DEPTOR: variants seen among roughly 807,000 people sequenced by gnomAD.
DEPTOR encodes DEP domain-containing mTOR-interacting protein.
DEPTOR carries 41 observed loss-of-function variants against 41.6 expected under a neutral mutation model. The observed-to-expected ratio is 0.98, with a 90% CI of 0.77 to 1.28. The LOEUF (loss-of-function observed/expected upper bound fraction) is 1.28. Ranked by LOEUF, DEPTOR falls within the 50% of genes most tolerant of loss-of-function variation. The pLI is 0.00. For missense variants in DEPTOR, 514 were observed against 527.9 expected (o/e 0.97, Z 0.26); for synonymous variants, 195 against 192.3 (o/e 1.01, Z -0.12).
intron 6 of DEPTOR, among the ~76,000 whole-genome samples, chr8:120,004,872 T>G (rs73705877): frequency 0.15 from 22,970 of 151,802 alleles, 2,822 homozygotes; most frequent in African/African-American, 0.33. Flanking sequence ...GCCTTCACAG[T>G]GATGCATTTA....
At chr8:119,985,090 T>A (rs538553288) in intron 4 of DEPTOR, among the ~76,000 whole-genome samples, 5 of 152,144 alleles carry the variant, frequency 3.3e-5, no homozygotes, top group African/African-American at 1.2e-4. Flanking sequence ...GGAGAATCAC[T>A]TGGACCCAGG....
intron 8 of DEPTOR, among the ~76,000 whole-genome samples, chr8:120,040,426 A>C (rs1159746749): frequency 3.3e-5 from 5 of 152,044 alleles, no homozygotes; most frequent in African/African-American, 1.2e-4. Context: ...AATACAAAAA[A>C]TTAGCCGGGC....
intron 4 of DEPTOR, among the ~76,000 whole-genome samples, chr8:119,993,808 T>A (rs1420072344): frequency 6.6e-6 from 1 of 152,054 alleles, no homozygotes; most frequent in Admixed American, 6.6e-5. Flanking sequence ...AAGTTGTTTA[T>A]GTAGCAAGGA....
chr8:119,914,999 G>A (rs558137815), intron 1 of DEPTOR, among the ~76,000 whole-genome samples: 7 of 151,786 alleles, frequency 4.6e-5, no homozygotes, highest in African/African-American at 1.7e-4. Context: ...ATGGAGTCTC[G>A]CCCTGTCACC....
intron 3 of DEPTOR, among the ~76,000 whole-genome samples, chr8:119,939,581 G>A (rs1459679982): frequency 1.3e-5 from 2 of 152,030 alleles, no homozygotes; most frequent in South Asian, 2.1e-4. Flanking sequence ...TCCACCTCCC[G>A]GGTTCAAGTG....
chr8:119,921,369 C>T (rs936982273), intron 1 of DEPTOR, among the ~76,000 whole-genome samples: 6 of 152,162 alleles, frequency 3.9e-5, no homozygotes, highest in Non-Finnish European at 1.5e-5. Flanking sequence ...CATACGTGTG[C>T]AGTGTGAAAA....
intron 1 of DEPTOR, among the ~76,000 whole-genome samples, chr8:119,881,880 TTTTA>T (rs576601041): frequency 4.6e-5 from 7 of 151,954 alleles, no homozygotes; most frequent in South Asian, 2.1e-4. Context: ...TTTATTCTAT[TTTTA>T]TTTATTTATT....
intron 8 of DEPTOR, among the ~76,000 whole-genome samples, chr8:120,028,332 C>CT (rs1812832832): frequency 6.6e-6 from 1 of 150,388 alleles, no homozygotes. Context: ...AAATGATGTA[C>CT]TTTTGACATT....
At chr8:119,980,666 T>C (rs62528699) in intron 4 of DEPTOR, among the ~76,000 whole-genome samples, 1,640 of 151,900 alleles carry the variant, frequency 0.011, 16 homozygotes, top group South Asian at 0.015. Flanking sequence ...TACAGGCATG[T>C]GCCACCACAG....
intron 8 of DEPTOR, among the ~76,000 whole-genome samples, chr8:120,028,416 T>C (rs1475084318): frequency 6.6e-6 from 1 of 151,840 alleles, no homozygotes; most frequent in Non-Finnish European, 1.5e-5. Context: ...GTAAAAATTT[T>C]CTTGGAGCAA....
chr8:120,023,245 C>CT (rs561254680), intron 8 of DEPTOR, among the ~76,000 whole-genome samples: 66 of 151,740 alleles, frequency 4.3e-4, no homozygotes, highest in East Asian at 2.3e-3. Flanking sequence ...CTTTTCTTTT[C>CT]TTTTTTTTGT....
At chr8:120,006,562 A>G (rs534624616) in intron 6 of DEPTOR, among the ~76,000 whole-genome samples, 1 of 148,950 alleles carries the variant, frequency 6.7e-6, no homozygotes, top group Non-Finnish European at 1.5e-5. Context: ...CCTTATCCCC[A>G]CCCCTGGCAC....
At chr8:119,882,363 A>G (rs1444391866) in intron 1 of DEPTOR, among the ~76,000 whole-genome samples, 2 of 151,934 alleles carry the variant, frequency 1.3e-5, no homozygotes, top group African/African-American at 4.8e-5. Flanking sequence ...AAATTTTAGA[A>G]AAAAATACAT....
At chr8:119,979,854 G>A (rs1828740770) in intron 4 of DEPTOR, among the ~76,000 whole-genome samples, 1 of 152,016 alleles carries the variant, frequency 6.6e-6, no homozygotes, top group Non-Finnish European at 1.5e-5. Flanking sequence ...TAACCTCAAT[G>A]GGGGATTCCT....
chr8:119,993,200 A>G (rs1182253462), intron 4 of DEPTOR, among the ~76,000 whole-genome samples: 1 of 152,334 alleles, frequency 6.6e-6, no homozygotes, highest in Admixed American at 6.5e-5. Context: ...GGTAAACTAC[A>G]TGACATTTCC....
intron 8 of DEPTOR, among the ~76,000 whole-genome samples, chr8:120,034,164 A>G (rs2130180247): frequency 6.6e-6 from 1 of 152,174 alleles, no homozygotes; most frequent in East Asian, 1.9e-4. Flanking sequence ...ACCCAAAAAG[A>G]GGTTGCTCCA....
intron 6 of DEPTOR, among the ~76,000 whole-genome samples, chr8:120,005,194 G>A (rs1255146423): frequency 6.6e-6 from 1 of 152,126 alleles, no homozygotes; most frequent in Non-Finnish European, 1.5e-5. Context: ...AGAGTTACCT[G>A]ACAGGGAATA....
chr8:120,030,654 G>A (rs1812877980), intron 8 of DEPTOR, among the ~76,000 whole-genome samples: 1 of 151,496 alleles, frequency 6.6e-6, no homozygotes, highest in Admixed American at 6.6e-5. Context: ...TTAGAGGACT[G>A]CCACCACACC....
At chr8:119,995,945 G>A (rs1235001028) in intron 4 of DEPTOR, among the ~76,000 whole-genome samples, 1 of 152,094 alleles carries the variant, frequency 6.6e-6, no homozygotes, top group Non-Finnish European at 1.5e-5. Flanking sequence ...CACACACAAA[G>A]CAAATGTGTG....
Sources: allele counts gnomAD v4.1 joint callset (sites outside exome capture counted in the v4.1 genomes callset), GRCh38; gene constraint gnomAD v4.1.1; transcripts MANE v1.5; gene names NCBI Gene and HGNC (gene_info 2026-07-23, HGNC 2026-07-21).